Variants in CHRDL1 observed in about 807,000 individuals in gnomAD.
CHRDL1 encodes the protein chordin like 1, also known as chordin-like protein 1.
Under a neutral mutation model 40.9 loss-of-function variants are expected in CHRDL1, and 19 were observed. The ratio of observed to expected loss-of-function variants is 0.46; its 90% CI spans 0.32 to 0.68. The LOEUF is 0.68. Among genes scored for constraint, CHRDL1 ranks in the 30% least tolerant of loss-of-function variants. CHRDL1 has a pLI of 0.03. For missense variants in CHRDL1, 329 were observed against 352.1 expected (o/e 0.93, Z 0.53); for synonymous variants, 136 against 123.4 (o/e 1.10, Z -0.68).
intron 6 of CHRDL1, among the ~76,000 whole-genome samples, chrX:110,704,838 AG>A (rs924655692): frequency 9.0e-6 from 1 of 111,567 alleles, no homozygotes; most frequent in Non-Finnish European, 1.9e-5. Flanking sequence ...TGTGGTTTCA[AG>A]CCTAATTTAA....
At chrX:110,772,158 A>T (rs1237686756) in intron 2 of CHRDL1, among the ~76,000 whole-genome samples, 4 of 112,116 alleles carry the variant, frequency 3.6e-5, no homozygotes, top group Non-Finnish European at 7.5e-5. Context: ...GGATTGAAAG[A>T]TACAAAATTG....
intron 4 of CHRDL1, among the ~76,000 whole-genome samples, chrX:110,727,395 T>A (rs2071077875): frequency 8.9e-6 from 1 of 112,592 alleles, no homozygotes; most frequent in South Asian, 3.6e-4. Context: ...ATTAGCTTTT[T>A]TAAATTTCAT....
rs1043501305 is a variant in CHRDL1, at chrX:110,690,202, C to T, written c.779-1399G>A. Reference sequence around the variant, plus strand: ...CTGGGACTACAGGTGCCCGCCACCACGCCCGGCTAACTTTTTTTTGGATTT... The same window carrying T: ...CTGGGACTACAGGTGCCCGCCACCATGCCCGGCTAACTTTTTTTTGGATTT... On this transcript the variant is annotated intron_variant, in intron 8 of 11. Transcript: ENST00000372042. 1.4e-4 allele frequency among the ~76,000 whole-genome samples: 15 copies of T among 103,560 alleles called. 1 individual carries two copies. The highest frequency in any genetic ancestry group is 9.1e-4 in the Admixed American group (8 of 8,776). 89.9% of individuals were successfully genotyped at this position (103,560 alleles called of 115,157 possible).
intron 7 of CHRDL1, among the ~76,000 whole-genome samples, chrX:110,698,991 G>C (rs1044106495): frequency 8.9e-6 from 1 of 111,970 alleles, no homozygotes; most frequent in African/African-American, 3.3e-5. Flanking sequence ...GTCAGGCTCT[G>C]GAAGGAATCT....
intron 7 of CHRDL1, among the ~76,000 whole-genome samples, chrX:110,697,239 C>T (rs2070405014): frequency 9.1e-6 from 1 of 110,332 alleles, no homozygotes; most frequent in Non-Finnish European, 1.9e-5. Flanking sequence ...AAAATCCCCA[C>T]TATTGTAGAG....
At chrX:110,700,570 A>T (rs1231603563) in intron 7 of CHRDL1, 84 bp downstream of exon 7, 6 of 653,387 alleles carry the variant, frequency 9.2e-6, no homozygotes, top group Admixed American at 8.4e-5. Flanking sequence ...TTTTTTTTGG[A>T]TTTGCTAGAA....
At chrX:110,698,337 C>T (rs1017212664) in intron 7 of CHRDL1, among the ~76,000 whole-genome samples, 1 of 111,356 alleles carries the variant, frequency 9.0e-6, no homozygotes, top group African/African-American at 3.3e-5. Context: ...CTCCCCACTC[C>T]ACCATCACAC....
chrX:110,756,480 C>T (rs2089454582), intron 4 of CHRDL1, among the ~76,000 whole-genome samples: 1 of 110,326 alleles, frequency 9.1e-6, no homozygotes, highest in Non-Finnish European at 1.9e-5. Flanking sequence ...ACTGATTGTC[C>T]AAGTTAGGCA....
At chrX:110,700,525 G>T (rs764888691) in intron 7 of CHRDL1, 129 bp downstream of exon 7, 55 of 496,662 alleles carry the variant, frequency 1.1e-4, no homozygotes, top group Admixed American at 2.8e-4. Flanking sequence ...AAAACTTTGA[G>T]AAAAGGGAAG....
chrX:110,767,642 AAAATAAAAT>A (rs1215976419), intron 2 of CHRDL1, among the ~76,000 whole-genome samples: 1 of 109,529 alleles, frequency 9.1e-6, no homozygotes, highest in East Asian at 2.8e-4. Flanking sequence ...AAAATAAAAT[AAAATAAAAT>A]ACTTAGGAAT....
intron 9 of CHRDL1, among the ~76,000 whole-genome samples, chrX:110,687,726 G>T (rs1187493996): frequency 9.0e-6 from 1 of 111,691 alleles, no homozygotes; most frequent in Admixed American, 9.5e-5. Flanking sequence ...GAAGCTCAGA[G>T]GGGTGAAGTG....
chrX:110,714,505 T>C (rs1397809053), intron 6 of CHRDL1, among the ~76,000 whole-genome samples: 1 of 111,575 alleles, frequency 9.0e-6, no homozygotes, highest in African/African-American at 3.3e-5. Flanking sequence ...GAAGAGATTT[T>C]TTCTTCTGAT....
chrX:110,688,074 G>A (rs766158389), intron 9 of CHRDL1, among the ~76,000 whole-genome samples: 8 of 110,772 alleles, frequency 7.2e-5, no homozygotes, highest in African/African-American at 2.6e-4. Context: ...GTGTTAGAAG[G>A]GAGCTTAGAG....
chrX:110,792,302 G>A, intron 1 of CHRDL1, 87 bp from the exon 2 acceptor site: 3 of 414,494 alleles, frequency 7.2e-6, no homozygotes, highest in South Asian at 5.1e-5. Flanking sequence ...TAACCTGCTA[G>A]AATAAAAAAA....
chrX:110,721,945 A>C (rs768393216), intron 4 of CHRDL1, among the ~76,000 whole-genome samples: 1 of 112,004 alleles, frequency 8.9e-6, no homozygotes, highest in South Asian at 3.7e-4. Context: ...CTTTTCCCCC[A>C]GTTGCTTCAG....
intron 2 of CHRDL1, among the ~76,000 whole-genome samples, chrX:110,787,597 A>G (rs769000948): frequency 2.0e-4 from 23 of 112,271 alleles, no homozygotes; most frequent in African/African-American, 7.4e-4. Flanking sequence ...CTCTCACAAT[A>G]GAGAAGTTCT....
intron 4 of CHRDL1, among the ~76,000 whole-genome samples, chrX:110,745,334 C>T (rs1317765060): frequency 9.0e-6 from 1 of 111,493 alleles, no homozygotes; most frequent in Non-Finnish European, 1.9e-5. Flanking sequence ...AGACAAACTG[C>T]ACCTCCTCCC....
chrX:110,770,695 T>C (rs1472172439), intron 2 of CHRDL1, among the ~76,000 whole-genome samples: 4 of 111,604 alleles, frequency 3.6e-5, no homozygotes, highest in Non-Finnish European at 1.9e-5. Flanking sequence ...TTTCATTGCA[T>C]TGACTACAGA....
At chrX:110,789,210 C>T (rs897272871) in intron 2 of CHRDL1, among the ~76,000 whole-genome samples, 1 of 111,570 alleles carries the variant, frequency 9.0e-6, no homozygotes, top group Non-Finnish European at 1.9e-5. Flanking sequence ...CGAAAAGATG[C>T]TGCAGAAAGA....
Sources: allele counts gnomAD v4.1 joint callset (sites outside exome capture counted in the v4.1 genomes callset), GRCh38; gene constraint gnomAD v4.1.1; transcripts MANE v1.5; gene names NCBI Gene and HGNC (gene_info 2026-07-23, HGNC 2026-07-21).